Variants in RABEP1 observed in about 807,000 individuals in gnomAD.
RABEP1 encodes the protein rab GTPase-binding effector protein 1.
RABEP1 carries 51 observed loss-of-function variants against 123.4 expected under a neutral mutation model. The observed-to-expected ratio is 0.41, with a 90% CI of 0.33 to 0.52. The LOEUF (loss-of-function observed/expected upper bound fraction) is 0.52, where lower values mean the gene tolerates loss of function less well. Ranked by LOEUF, RABEP1 falls within the 20% of genes least tolerant of loss-of-function variation. The pLI, the probability that RABEP1 is intolerant of heterozygous loss-of-function variation, is 0.16. For synonymous variants in RABEP1, 347 were observed against 355.2 expected (o/e 0.98, Z 0.26); for missense variants, 888 against 996.3 (o/e 0.89, Z 1.46).
intron 14 of RABEP1, among the ~76,000 whole-genome samples, chr17:5,377,520 A>AATTT (rs1567554745): frequency 1.0e-5 from 1 of 99,822 alleles, no homozygotes; most frequent in East Asian, 3.2e-4. Context: ...TATTTAAAAA[A>AATTT]TTTTTTTTTT....
chr17:5,282,690 C>G (rs1172420671), intron 1 of RABEP1, among the ~76,000 whole-genome samples, 170 bp downstream of exon 1: 6 of 146,694 alleles, frequency 4.1e-5, no homozygotes, highest in Non-Finnish European at 9.1e-5. Flanking sequence ...GCGGCGCGGG[C>G]GCCCCGGCTG....
chr17:5,341,272 C>CT (rs1285233439), intron 5 of RABEP1, among the ~76,000 whole-genome samples: 1 of 151,690 alleles, frequency 6.6e-6, no homozygotes, highest in African/African-American at 2.4e-5. Context: ...GGGAGCCTGT[C>CT]TTAAAAAAAA....
chr17:5,348,715 C>T (rs1908275594), intron 6 of RABEP1, among the ~76,000 whole-genome samples: 1 of 152,076 alleles, frequency 6.6e-6, no homozygotes, highest in African/African-American at 2.4e-5. Context: ...TGCCCACCAC[C>T]ATGCCTGGCT....
At chr17:5,318,028 G>GTGCACCTT (rs1384348935) in intron 2 of RABEP1, among the ~76,000 whole-genome samples, 1 of 152,160 alleles carries the variant, frequency 6.6e-6, no homozygotes, top group Admixed American at 6.5e-5. Context: ...GCCTTGTCCT[G>GTGCACCTT]TGCACCTTTT....
chr17:5,327,394 C>T (rs893534373), intron 2 of RABEP1, among the ~76,000 whole-genome samples: 2 of 150,602 alleles, frequency 1.3e-5, no homozygotes, highest in Admixed American at 1.3e-4. Flanking sequence ...CAAAAAGCAA[C>T]ATAGCTAAAC....
intron 13 of RABEP1, among the ~76,000 whole-genome samples, chr17:5,376,014 A>G (rs919020400): frequency 2.6e-5 from 4 of 152,082 alleles, no homozygotes; most frequent in Non-Finnish European, 5.9e-5. Flanking sequence ...CTGGGACTAC[A>G]GGTGTGTGCC....
At chr17:5,333,678 A>G (rs1417737350) in intron 3 of RABEP1, among the ~76,000 whole-genome samples, 1 of 152,162 alleles carries the variant, frequency 6.6e-6, no homozygotes, top group Non-Finnish European at 1.5e-5. Flanking sequence ...TTCTCCCAGA[A>G]CACGAAATCC....
At chr17:5,380,333 C>A in intron 15 of RABEP1, 31 bp from the exon 16 acceptor site, 1 of 1,462,894 alleles carries the variant, frequency 6.8e-7, no homozygotes, top group Non-Finnish European at 9.3e-7. Flanking sequence ...GAGGGAGTTT[C>A]TGTGAGTTTC....
intron 2 of RABEP1, among the ~76,000 whole-genome samples, chr17:5,317,948 T>C (rs190789265): frequency 6.6e-6 from 1 of 152,310 alleles, no homozygotes; most frequent in Admixed American, 6.5e-5. Context: ...TCCAGATAAC[T>C]GAAGATGTGA....
At position 5,314,234 on chromosome 17, in the gene RABEP1, C is replaced by CTTTT. The variant is rs71151864; in HGVS notation, c.163+5435_163+5438dup. On this transcript the variant is annotated intron_variant, in intron 2 of 17. Transcript: ENST00000537505. The stretch of plus-strand genomic sequence containing the variant: ...GCCTGTTCTTTTCTTAGTACCTATT[C>CTTTT]TTTTTTTTTTTTTTTTTTTTTTTTT... Among the ~76,000 whole-genome samples the CTTTT allele has an allele frequency of 6.3e-3, 351 of 55,556 alleles. 84 individuals are homozygous for CTTTT. Among genetic ancestry groups the CTTTT allele is most frequent in the African/African-American group, 0.022 (315 of 14,506 alleles). 36.4% of individuals were successfully genotyped at this position (55,556 alleles called of 152,430 possible). A position where few individuals can be genotyped will look rare whatever the true frequency, so the allele number is the denominator to read the frequency against.
intron 15 of RABEP1, 54 bp from the exon 16 acceptor site, chr17:5,380,310 G>A (rs1597302653): frequency 8.0e-7 from 1 of 1,254,360 alleles, no homozygotes; most frequent in Non-Finnish European, 1.1e-6. Context: ...TTTAGGTAGT[G>A]CACTGGGGCC....
chr17:5,357,370 T>A (rs774537683), intron 8 of RABEP1, among the ~76,000 whole-genome samples: 1 of 151,952 alleles, frequency 6.6e-6, no homozygotes, highest in South Asian at 2.1e-4. Flanking sequence ...ACTAATTGAT[T>A]TGTGACTTTT....
At chr17:5,368,039 A>G (rs200179128) in intron 11 of RABEP1, among the ~76,000 whole-genome samples, 1,557 of 148,880 alleles carry the variant, frequency 0.01, 62 homozygotes, top group East Asian at 0.068. Flanking sequence ...TTACAGGCAT[A>G]AGCCACTGCA....
At chr17:5,286,418 C>T (rs952365045) in intron 1 of RABEP1, among the ~76,000 whole-genome samples, 3 of 152,022 alleles carry the variant, frequency 2.0e-5, no homozygotes, top group Non-Finnish European at 2.9e-5. Flanking sequence ...CGCTTGAACC[C>T]GGGAGGTGGA....
intron 2 of RABEP1, among the ~76,000 whole-genome samples, chr17:5,315,313 G>C (rs1330893745): frequency 6.6e-6 from 1 of 152,160 alleles, no homozygotes; most frequent in Admixed American, 6.6e-5. Context: ...AGACGATACA[G>C]AGGTTTTAGT....
Position 5,373,462 on chromosome 17 carries a change from A to G in RABEP1, c.2025+8A>G, listed in dbSNP as rs1427104307. 6.3e-7 allele frequency: 1 copy of G among 1,586,716 alleles called. No homozygotes were observed. ...CTCCCAGACACTACAGAGGTAACTT[A>G]CTTTCCACATGATCAAAAATGTCAA... On this transcript the variant is annotated splice_region_variant and intron_variant, in intron 13 of 17. Coordinates refer to ENST00000537505, the MANE Select transcript of RABEP1 (RefSeq NM_004703.6).
intron 5 of RABEP1, among the ~76,000 whole-genome samples, chr17:5,344,295 G>A (rs62075132): frequency 0.13 from 20,184 of 151,134 alleles, 1,430 homozygotes; most frequent in East Asian, 0.17. Context: ...AAAATTAGCC[G>A]GGCATGGTGG....
chr17:5,311,882 A>G (rs2075246737), intron 2 of RABEP1, among the ~76,000 whole-genome samples: 3 of 152,176 alleles, frequency 2.0e-5, no homozygotes, highest in African/African-American at 7.2e-5. Flanking sequence ...TTTTAAACAT[A>G]TAAATGCCAA....
chr17:5,380,313 C>A (rs1250338540), intron 15 of RABEP1, 51 bp from the exon 16 acceptor site: 28 of 1,311,988 alleles, frequency 2.1e-5, no homozygotes, highest in Non-Finnish European at 2.9e-5. Context: ...AGGTAGTGCA[C>A]TGGGGCCCAG....
Sources: allele counts gnomAD v4.1 joint callset (sites outside exome capture counted in the v4.1 genomes callset), GRCh38; gene constraint gnomAD v4.1.1; transcripts MANE v1.5; gene names NCBI Gene and HGNC (gene_info 2026-07-23, HGNC 2026-07-21).